MACROD2: variants seen among roughly 807,000 people sequenced by gnomAD.
The protein encoded by MACROD2 is mono-ADP ribosylhydrolase 2.
MACROD2 carries 36 observed loss-of-function variants against 70.4 expected under a neutral mutation model. That is an observed-to-expected ratio of 0.51 (90% CI 0.39 to 0.68). The LOEUF (loss-of-function observed/expected upper bound fraction) is 0.68, where lower values mean the gene tolerates loss of function less well. Ranked by LOEUF, MACROD2 falls within the 30% of genes least tolerant of loss-of-function variation. MACROD2 has a pLI of 0.00. For missense variants in MACROD2, 496 were observed against 538.4 expected (o/e 0.92, Z 0.78); for synonymous variants, 172 against 178.8 (o/e 0.96, Z 0.30).
At chr20:14,272,190 T>G (rs993240395) in intron 3 of MACROD2, among the ~76,000 whole-genome samples, 2 of 151,860 alleles carry the variant, frequency 1.3e-5, no homozygotes, top group Non-Finnish European at 2.9e-5. Context: ...GAAACATAAT[T>G]GTGAGATTCA....
intron 4 of MACROD2, among the ~76,000 whole-genome samples, chr20:14,549,333 T>C (rs1442459479): frequency 6.6e-6 from 1 of 152,174 alleles, no homozygotes; most frequent in Non-Finnish European, 1.5e-5. Context: ...CCTAACAAAA[T>C]AATGAAATAG....
intron 3 of MACROD2, among the ~76,000 whole-genome samples, chr20:14,269,668 A>G (rs904773897): frequency 1.3e-5 from 2 of 152,212 alleles, no homozygotes; most frequent in Admixed American, 1.3e-4. Flanking sequence ...TTATACAAAT[A>G]GTCATTAATA....
At chr20:14,111,550 A>T (rs1217176708) in intron 3 of MACROD2, among the ~76,000 whole-genome samples, 1 of 152,048 alleles carries the variant, frequency 6.6e-6, no homozygotes, top group Non-Finnish European at 1.5e-5. Flanking sequence ...TGGGCCAAAG[A>T]TGTGAATAGA....
At chr20:14,557,129 ATAGTGTT>A (rs1270601136) in intron 4 of MACROD2, among the ~76,000 whole-genome samples, 10 of 151,992 alleles carry the variant, frequency 6.6e-5, no homozygotes, top group Non-Finnish European at 1.3e-4. Context: ...GGGAGAAAGA[ATAGTGTT>A]TTTGACAAAT....
chr20:15,999,943 C>A (rs1415296826), intron 15 of MACROD2, among the ~76,000 whole-genome samples: 1 of 152,194 alleles, frequency 6.6e-6, no homozygotes, highest in Non-Finnish European at 1.5e-5. Context: ...TCACTGCCAA[C>A]TAGAATGCAG....
At chr20:14,167,020 C>T (rs957944687) in intron 3 of MACROD2, among the ~76,000 whole-genome samples, 1 of 152,162 alleles carries the variant, frequency 6.6e-6, no homozygotes, top group African/African-American at 2.4e-5. Flanking sequence ...GTTTTGGTTC[C>T]AGTCCTTCAG....
At chr20:14,507,422 G>A (rs1373118092) in intron 4 of MACROD2, among the ~76,000 whole-genome samples, 1 of 152,164 alleles carries the variant, frequency 6.6e-6, no homozygotes, top group Admixed American at 6.5e-5. Context: ...ACGAATACAA[G>A]GTTTCTGTTT....
chr20:15,661,263 A>T (rs2049817801), intron 8 of MACROD2, among the ~76,000 whole-genome samples: 1 of 152,186 alleles, frequency 6.6e-6, no homozygotes, highest in South Asian at 2.1e-4. Flanking sequence ...TGGGTAATTT[A>T]TAAAGAAAAG....
In MACROD2 at chr20:14,164,620, G is replaced by GGAGA. The variant is rs559397252; in HGVS notation, c.271+78894_271+78897dup. The stretch of plus-strand genomic sequence containing the variant: ...GGGTGGGCCTGTCTCCAGGGCCTTA[G>GGAGA]GAGAGTGTGTGGGTGGGTGCCAGCT... On this transcript the variant is annotated intron_variant, in intron 3 of 17. Coordinates refer to ENST00000684519, the MANE Select transcript of MACROD2 (RefSeq NM_001351661.2). 5.2e-4 allele frequency among the ~76,000 whole-genome samples: 79 copies of GGAGA among 152,206 alleles called. 1 individual carries two copies. In the South Asian group the frequency reaches 0.016, roughly 31 times the overall value.
chr20:15,414,388 C>G (rs975886456), intron 6 of MACROD2, among the ~76,000 whole-genome samples: 11 of 152,150 alleles, frequency 7.2e-5, no homozygotes, highest in African/African-American at 2.7e-4. Context: ...GGTGGCTTGT[C>G]TGCACATTTA....
In MACROD2 at chr20:14,575,197, A is replaced by G. The variant is rs140730633; in HGVS notation, c.301+81689A>G. ...AAATATTTATTTACTAATTACCTTA[A>G]TATAATAAACCCATTATATTAGTAT... On this transcript the variant is annotated intron_variant, in intron 4 of 17. Transcript: ENST00000684519. 5.7e-3 allele frequency among the ~76,000 whole-genome samples: 863 copies of G among 152,124 alleles called. 8 individuals are homozygous for G. Among genetic ancestry groups the G allele is most frequent in the Middle Eastern group, 0.017 (5 of 294 alleles).
At position 15,104,302 on chromosome 20, in the gene MACROD2, G is replaced by A. The variant is rs561665350; in HGVS notation, c.419-125638G>A. Among the ~76,000 whole-genome samples, 246 of 152,164 alleles carry A rather than the reference G, an allele frequency of 1.6e-3. 1 individual carries two copies. Among genetic ancestry groups the A allele is most frequent in the African/African-American group, 5.7e-3 (236 of 41,530 alleles). ...CTTTGCATTTCCAGAGTTCAGCAAG[G>A]CATTCATTTATGCCTTGGTGAATAT... On this transcript the variant is annotated intron_variant, in intron 5 of 17. Transcript: ENST00000684519.
intron 3 of MACROD2, among the ~76,000 whole-genome samples, chr20:14,397,396 G>T (rs571470072): frequency 6.6e-6 from 1 of 152,278 alleles, no homozygotes; most frequent in East Asian, 1.9e-4. Context: ...TATAGTGGTT[G>T]CTTATAGTGT....
At chr20:14,171,299 TTTTA>T (rs1294814603) in intron 3 of MACROD2, among the ~76,000 whole-genome samples, 1 of 152,174 alleles carries the variant, frequency 6.6e-6, no homozygotes, top group African/African-American at 2.4e-5. Flanking sequence ...CAGCTTTTTG[TTTTA>T]TTTATCTTTT....
chr20:14,416,090 C>G (rs2083801062), intron 3 of MACROD2, among the ~76,000 whole-genome samples: 1 of 151,938 alleles, frequency 6.6e-6, no homozygotes, highest in Admixed American at 6.6e-5. Context: ...TCCTGAGTAG[C>G]TGGGATTACA....
At chr20:15,150,173 A>G (rs2076259079) in intron 5 of MACROD2, among the ~76,000 whole-genome samples, 2 of 151,998 alleles carry the variant, frequency 1.3e-5, no homozygotes, top group Non-Finnish European at 2.9e-5. Flanking sequence ...GACTGAAGTG[A>G]TGGAGGCTAT....
chr20:15,045,719 G>GTTTTTTTTTTTT (rs71335981), intron 5 of MACROD2, among the ~76,000 whole-genome samples: 7 of 73,392 alleles, frequency 9.5e-5, no homozygotes, highest in Admixed American at 2.1e-4. Context: ...CCAGACCAGG[G>GTTTTTTTTTTTT]TTTTTTTTTT....
At chr20:14,758,021 G>A (rs2071965072) in intron 5 of MACROD2, 2 of 729,144 alleles carry the variant, frequency 2.7e-6, no homozygotes, top group Non-Finnish European at 2.5e-6. Context: ...GTTTAGAGGC[G>A]AATTTGGTCA....
intron 5 of MACROD2, among the ~76,000 whole-genome samples, chr20:14,943,525 A>T (rs1035914548): frequency 6.6e-6 from 1 of 152,116 alleles, no homozygotes; most frequent in Non-Finnish European, 1.5e-5. Context: ...TTGCTTCCCA[A>T]CCAGAGCTAT....
Sources: allele counts gnomAD v4.1 joint callset (sites outside exome capture counted in the v4.1 genomes callset), GRCh38; gene constraint gnomAD v4.1.1; transcripts MANE v1.5; gene names NCBI Gene and HGNC (gene_info 2026-07-23, HGNC 2026-07-21).